GPC6: variants seen among roughly 807,000 people sequenced by gnomAD.
The protein encoded by GPC6 is glypican-6.
GPC6 carries 14 observed loss-of-function variants against 55.2 expected under a neutral mutation model. That is an observed-to-expected ratio of 0.25 (90% confidence interval 0.17 to 0.40). The LOEUF (loss-of-function observed/expected upper bound fraction) is 0.40. Ranked by LOEUF, GPC6 falls within the 10% of genes least tolerant of loss-of-function variation. GPC6 has a pLI of 1.00. For missense variants in GPC6, 641 were observed against 708.5 expected (o/e 0.90, Z 1.08); for synonymous variants, 278 against 259.6 (o/e 1.07, Z -0.68).
intron 1 of GPC6, among the ~76,000 whole-genome samples, chr13:93,472,829 G>A (rs1210382287): frequency 6.6e-6 from 1 of 152,188 alleles, no homozygotes; most frequent in East Asian, 1.9e-4. Context: ...ACATAGACAA[G>A]TGAAGGGTGA....
At chr13:93,561,014 A>G (rs1009534640) in intron 2 of GPC6, among the ~76,000 whole-genome samples, 10 of 152,174 alleles carry the variant, frequency 6.6e-5, no homozygotes, top group Non-Finnish European at 8.8e-5. Context: ...TTAACCTCAC[A>G]TGTGACGTCT....
At chr13:93,663,466 T>G (rs1881007781) in intron 2 of GPC6, among the ~76,000 whole-genome samples, 1 of 152,184 alleles carries the variant, frequency 6.6e-6, no homozygotes, top group South Asian at 2.1e-4. Flanking sequence ...TGTACTTAAT[T>G]TTTGTGTTTA....
chr13:93,516,846 G>T (rs531341142), intron 1 of GPC6, among the ~76,000 whole-genome samples: 1 of 152,054 alleles, frequency 6.6e-6, no homozygotes, highest in Non-Finnish European at 1.5e-5. Flanking sequence ...TTTGAATTGG[G>T]TGGATATGCA....
chr13:93,433,555 C>T (rs912248665), intron 1 of GPC6, among the ~76,000 whole-genome samples: 2 of 152,070 alleles, frequency 1.3e-5, no homozygotes, highest in African/African-American at 4.8e-5. Context: ...TAAGTAAATG[C>T]GGTACATAGT....
At chr13:94,037,366 A>T (rs970155395) in intron 4 of GPC6, among the ~76,000 whole-genome samples, 2 of 151,998 alleles carry the variant, frequency 1.3e-5, no homozygotes, top group African/African-American at 4.8e-5. Flanking sequence ...TGTCCCGGAG[A>T]AAATGTTTAA....
At chr13:93,609,310 G>A (rs896841109) in intron 2 of GPC6, among the ~76,000 whole-genome samples, 1 of 152,186 alleles carries the variant, frequency 6.6e-6, no homozygotes, top group Non-Finnish European at 1.5e-5. Flanking sequence ...CGCCTCCCAG[G>A]CTAAAGCAAT....
intron 4 of GPC6, among the ~76,000 whole-genome samples, chr13:94,227,961 G>A (rs1890609397): frequency 2.0e-5 from 3 of 152,146 alleles, no homozygotes; most frequent in Non-Finnish European, 4.4e-5. Context: ...CAAGGAGTGA[G>A]GAAGTACAGT....
chr13:93,420,524 G>A (rs963197528), intron 1 of GPC6, among the ~76,000 whole-genome samples: 29 of 152,172 alleles, frequency 1.9e-4, no homozygotes, highest in Non-Finnish European at 7.3e-5. Context: ...GAATTCTGCA[G>A]AAGGCAGATT....
intron 3 of GPC6, among the ~76,000 whole-genome samples, chr13:93,925,163 G>A (rs1877787093): frequency 6.6e-6 from 1 of 152,142 alleles, no homozygotes; most frequent in South Asian, 2.1e-4. Context: ...CATTTTATAA[G>A]GGCAGGCGCT....
intron 3 of GPC6, among the ~76,000 whole-genome samples, chr13:93,952,781 GTATA>G (rs1566619519): frequency 6.7e-6 from 1 of 148,184 alleles, no homozygotes; most frequent in Non-Finnish European, 1.5e-5. Flanking sequence ...ATGTGGGTGT[GTATA>G]TATGTGTATT....
intron 3 of GPC6, among the ~76,000 whole-genome samples, chr13:93,880,962 G>T (rs1268907602): frequency 2.6e-5 from 4 of 151,550 alleles, no homozygotes; most frequent in African/African-American, 9.7e-5. Context: ...AAAGGAAGAG[G>T]TCAACAGTAT....
In GPC6 at chr13:93,667,735, GTT is replaced by G. The variant is rs71126408; in HGVS notation, c.319+122326_319+122327del. On this transcript the variant is annotated intron_variant, in intron 2 of 8. Coordinates refer to ENST00000377047, the MANE Select transcript of GPC6 (RefSeq NM_005708.5). ...AAACCACCACACCCAGCCAGGACTT[GTT>G]TTTTTTTTTTTCTGTCAAATTTGTA... 1.2e-4 allele frequency among the ~76,000 whole-genome samples: 15 copies of G among 123,152 alleles called. 1 individual carries two copies. Among genetic ancestry groups the G allele is most frequent in the African/African-American group, 5.6e-4 (15 of 27,014 alleles). The allele number at this position is 123,152 out of a possible 152,430, so 80.8% of individuals were successfully genotyped here. A position where few individuals can be genotyped will look rare whatever the true frequency, so the allele number is the denominator to read the frequency against.
intron 1 of GPC6, among the ~76,000 whole-genome samples, chr13:93,415,380 T>A (rs1329257296): frequency 1.3e-5 from 2 of 152,122 alleles, no homozygotes; most frequent in African/African-American, 4.8e-5. Flanking sequence ...CTTTCCATAT[T>A]TATCCATAGC....
upstream of GPC6, among the ~76,000 whole-genome samples, chr13:93,226,394 G>A (rs540234014): frequency 6.6e-6 from 1 of 152,288 alleles, no homozygotes; most frequent in South Asian, 2.1e-4. Context: ...TCTGTAATGT[G>A]TGCCTTTAGA....
In GPC6 at chr13:93,822,500, C is replaced by T. The variant is rs9589850; in HGVS notation, c.320-7654C>T. 6.5e-3 allele frequency among the ~76,000 whole-genome samples: 993 copies of T among 152,164 alleles called. 15 individuals carry two copies. The highest frequency in any genetic ancestry group is 0.023 in the African/African-American group (952 of 41,502). ...CTGAGGTACATGTGCAGAATATGCA[C>T]GTTTGTTACATAGGTATACATGTAC... On this transcript the variant is annotated intron_variant, in intron 2 of 8. Coordinates refer to ENST00000377047, the MANE Select transcript of GPC6 (RefSeq NM_005708.5).
intron 1 of GPC6, among the ~76,000 whole-genome samples, chr13:93,438,589 A>C (rs1418546007): frequency 6.6e-6 from 1 of 152,184 alleles, no homozygotes; most frequent in Non-Finnish European, 1.5e-5. Flanking sequence ...ATATGAATGA[A>C]TTCCTGCAAT....
intron 1 of GPC6, among the ~76,000 whole-genome samples, chr13:93,493,017 C>G (rs1353945368): frequency 3.4e-5 from 3 of 89,258 alleles, no homozygotes; most frequent in African/African-American, 8.8e-5. Flanking sequence ...GCTTTGGTAT[C>G]AGAATGATGC....
At chr13:93,709,028 A>G (rs1313660427) in intron 2 of GPC6, among the ~76,000 whole-genome samples, 1 of 151,828 alleles carries the variant, frequency 6.6e-6, no homozygotes, top group Admixed American at 6.6e-5. Context: ...TATCATGCCC[A>G]TTATTTCTCA....
At chr13:93,967,459 A>G (rs1880098525) in intron 3 of GPC6, among the ~76,000 whole-genome samples, 1 of 152,200 alleles carries the variant, frequency 6.6e-6, no homozygotes, top group Non-Finnish European at 1.5e-5. Context: ...TGCCATTCCT[A>G]CATGCTCATA....
Sources: allele counts gnomAD v4.1 joint callset (sites outside exome capture counted in the v4.1 genomes callset), GRCh38; gene constraint gnomAD v4.1.1; transcripts MANE v1.5; gene names NCBI Gene and HGNC (gene_info 2026-07-23, HGNC 2026-07-21).